Variants in SEMA4C observed in about 807,000 individuals in gnomAD.
SEMA4C encodes the protein semaphorin 4C.
Under a neutral mutation model 89.0 loss-of-function variants are expected in SEMA4C, and 19 were observed. The ratio of observed to expected loss-of-function variants is 0.21; its 90% confidence interval spans 0.15 to 0.31. The LOEUF (loss-of-function observed/expected upper bound fraction) is 0.31, where lower values mean the gene tolerates loss of function less well. Among genes scored for constraint, SEMA4C ranks in the 10% least tolerant of loss-of-function variants. The pLI, the probability that SEMA4C is intolerant of heterozygous loss-of-function variation, is 1.00. For missense variants in SEMA4C, 811 were observed against 1,107.0 expected (o/e 0.73, Z 3.79); for synonymous variants, 428 against 472.7 (o/e 0.91, Z 1.23).
upstream of SEMA4C, chr2:96,870,609 A>G (rs150264925): frequency 9.0e-5 from 89 of 985,450 alleles, no homozygotes; most frequent in African/African-American, 1.3e-3. Flanking sequence ...CCTGCCCTCA[A>G]GTCTGGAAAG....
chr2:96,860,996 A>G lies in SEMA4C; in HGVS notation c.2132T>C (p.Leu711Pro), dbSNP rs1426242462. The G allele has an allele frequency of 6.2e-7, 1 of 1,612,766 alleles. No individual in the cohort carries two copies. Among genetic ancestry groups the G allele is most frequent in the African/African-American group, 1.3e-5 (1 of 74,882 alleles). Residue 711 changes from leucine to proline, a missense_variant, in exon 15 of 15, where the codon CTG becomes CCG. This residue lies in a region of SEMA4C where 248 missense variants were observed against 269.0 expected (regional missense o/e 0.92). Transcript: ENST00000305476. ...GGGGGGACTGGTGGGCTCCTTGGGC[A>G]GCTCCAGGGGGTACACCAAGGTCCT... ...TERTLVYPLELPKEPTSPPFR... is the reference protein window; with the variant it reads ...TERTLVYPLEPPKEPTSPPFR...
In SEMA4C at chr2:96,864,779, C is replaced by T. The variant is rs1234994815; in HGVS notation, c.888G>A (p.Gln296=). ...CCTGCAGGGTGTGCATCGCCTGCAG[C>T]TGGTTGAAGTAGAGCTGCCAGTTCG... ...SAPNWQLYFN[Q]LQAMHTLQDT... is the part of the protein sequence containing the mutation. Residue 296 remains glutamine, a synonymous_variant, in exon 9 of 15, where the codon CAG becomes CAA. Transcript: ENST00000305476. The surrounding 1 kb of genome is among the most constrained non-coding windows in gnomAD (Gnocchi z 6.3). The T allele has an allele frequency of 1.9e-6, 3 of 1,613,836 alleles. No individual in the cohort carries two copies. In the African/African-American group the frequency reaches 4.0e-5, roughly 22 times the overall value.
chr2:96,869,371 G>C, intron 1 of SEMA4C: 2 of 983,924 alleles, frequency 2.0e-6, no homozygotes, highest in South Asian at 9.4e-5. Context: ...GTGGACCGCG[G>C]CCCTCCCTGC....
At position 96,866,160 on chromosome 2, in the gene SEMA4C, C is replaced by A. The variant is rs988649440; in HGVS notation, c.258+123G>T. The A allele has an allele frequency of 6.6e-6, 9 of 1,368,772 alleles. No homozygotes were observed. The African/African-American group carries it at 1.2e-4, about 18-fold the overall frequency. The allele number at this position is 1,368,772 out of a possible 1,614,324, so 84.8% of individuals were successfully genotyped here. A position where few individuals can be genotyped will look rare whatever the true frequency, so the allele number is the denominator to read the frequency against. On this transcript the variant is annotated intron_variant, in intron 3 of 14. Transcript: ENST00000305476. ...ATGCTGACCCCAACCAGAGGGCAGG[C>A]CCCGGATGCCCAGCAGCACTTCTGT...
chr2:96,861,032 T>C lies in SEMA4C; in HGVS notation c.2096A>G (p.Lys699Arg), dbSNP rs1358785859. 2 of 1,612,812 alleles carry C rather than the reference T, an allele frequency of 1.2e-6. No homozygotes were observed. Among genetic ancestry groups the C allele is most frequent in the African/African-American group, 2.7e-5 (2 of 74,922 alleles). ...RLREELEKGA[K>R]ATERTLVYPL... ...GTACACCAAGGTCCTCTCAGTAGCC[T>C]TGGCCCCTTTCTCCAGCTCTTCCCG... Residue 699 changes from lysine (K) to arginine (R), a missense_variant, in exon 15 of 15, where the codon AAG (lysine) becomes AGG (arginine). Transcript: ENST00000305476. The surrounding 1 kb of genome is among the most constrained non-coding windows in gnomAD (Gnocchi z 7.8).
intron 12 of SEMA4C, chr2:96,862,628 T>C (rs6758174): frequency 0.32 from 49,119 of 152,082 alleles, 9,014 homozygotes; most frequent in South Asian, 0.73. Flanking sequence ...TTTGGGAGGC[T>C]GAGTCGGGCG....
intron 7 of SEMA4C, 28 bp from the exon 8 acceptor site, chr2:96,865,143 G>C (rs2080040188): frequency 6.3e-7 from 1 of 1,596,970 alleles, no homozygotes. Flanking sequence ...GGTCAGCAGG[G>C]AGGGGCTGGG....
intron 1 of SEMA4C, chr2:96,868,877 G>T (rs2080143658): frequency 1.0e-6 from 1 of 985,314 alleles, no homozygotes; most frequent in Admixed American, 6.1e-5. Flanking sequence ...CAGGGACCCT[G>T]GCCTGGGCGG....
chr2:96,867,809 G>T lies in SEMA4C; in HGVS notation c.78C>A (p.Asn26Lys), dbSNP rs1181953369. 13 of 1,613,440 alleles carry T rather than the reference G, an allele frequency of 8.1e-6. No individual in the cohort carries two copies. The highest frequency in any genetic ancestry group is 6.7e-5 in the Admixed American group (4 of 59,900). Reference sequence around the variant, plus strand: ...AAGACACTGTCTTACGCGGCACAAGGTTCCACCACACCTCAGCCCCAATGC... The same window carrying T: ...AAGACACTGTCTTACGCGGCACAAGTTTCCACCACACCTCAGCCCCAATGC... ...GLGIGAEVWW[N>K]LVPRKTVSSG... The change falls in exon 2 of 15, where the codon AAC (asparagine) becomes AAA (lysine). Residue 26 changes from asparagine to lysine, a missense_variant. Transcript: ENST00000305476.
intron 12 of SEMA4C, chr2:96,862,160 T>G: frequency 2.1e-6 from 1 of 483,310 alleles, no homozygotes; most frequent in East Asian, 3.2e-5. Flanking sequence ...ATGATGGGGC[T>G]GTGAGGCCAA....
In SEMA4C at chr2:96,867,872, C is replaced by A; in HGVS notation, c.15G>T (p.Trp5Cys). 6.2e-7 allele frequency: 1 copy of A among 1,613,618 alleles called. No individual in the cohort carries two copies. Among genetic ancestry groups the A allele is most frequent in the Non-Finnish European group, 8.5e-7 (1 of 1,180,020 alleles). Reference protein sequence around the residue: MAPHWAVWLLAARLW... With the variant: MAPHCAVWLLAARLW... ...GCCTTGCTGCCAGCAGCCAGACAGC[C>A]CAGTGTGGGGCCATGGCGCACGCCC... The change falls in exon 2 of 15, where the codon TGG becomes TGT. Residue 5 changes from tryptophan to cysteine, a missense_variant. Trp to Cys is a radical substitution (Grantham distance 215, BLOSUM62 -2). Transcript: ENST00000305476.
intron 1 of SEMA4C, chr2:96,869,056 G>C (rs1003185059): frequency 1.4e-4 from 136 of 985,308 alleles, no homozygotes; most frequent in Non-Finnish European, 1.6e-4. Context: ...AAACAAAGCG[G>C]CGGCGCGGGG....
At position 96,860,478 on chromosome 2, in the gene SEMA4C, G is replaced by A. The variant is rs968097123; in HGVS notation, c.*148C>T. 1 of 701,180 alleles carries A rather than the reference G, an allele frequency of 1.4e-6. No individual in the cohort carries two copies. 43.4% of individuals were successfully genotyped at this position (701,180 alleles called of 1,614,324 possible). ...CAAGTGGCAGTGCCCGTGCTGAGCAGAGCAGGTCCTCATGGCCGGGTGGGT... is the reference window on the plus strand; with the variant it reads ...CAAGTGGCAGTGCCCGTGCTGAGCAAAGCAGGTCCTCATGGCCGGGTGGGT... On this transcript the variant is annotated 3_prime_UTR_variant, in exon 15 of 15. Coordinates refer to ENST00000305476, the MANE Select transcript of SEMA4C (RefSeq NM_017789.5).
rs371058461 is a variant in SEMA4C, at chr2:96,865,194, G to C, written c.634+10C>G. 1.2e-6 allele frequency: 2 copies of C among 1,612,772 alleles called. No homozygotes were observed. Among genetic ancestry groups the C allele is most frequent in the South Asian group, 1.1e-5 (1 of 90,924 alleles). ...CACCCATGGCTCCCACAGGCCCCCC[G>C]GTGGCTCACCGTTGAGCCAAAAGGC... is the stretch of plus-strand genomic sequence containing the variant. On this transcript the variant is annotated intron_variant, in intron 7 of 14. Coordinates refer to ENST00000305476, the MANE Select transcript of SEMA4C (RefSeq NM_017789.5).
chr2:96,869,801 T>A (rs2080167151), intron 1 of SEMA4C, 75 bp downstream of exon 1: 1 of 983,888 alleles, frequency 1.0e-6, no homozygotes, highest in African/African-American at 1.8e-5. Flanking sequence ...CGGCAGCCCC[T>A]GCCCAAGCAA....
At chr2:96,865,590 G>A (rs756905896) in intron 5 of SEMA4C, 53 bp from the exon 6 acceptor site, 68 of 1,598,204 alleles carry the variant, frequency 4.3e-5, no homozygotes, top group Non-Finnish European at 5.3e-5. Flanking sequence ...GGGCTCTGTG[G>A]GCCACATCCA....
In SEMA4C at chr2:96,863,990, G is replaced by A. The variant is rs750137123; in HGVS notation, c.1266C>T (p.His422=). Residue 422 remains histidine (H), a synonymous_variant, in exon 11 of 15, where the codon CAC becomes CAT. Coordinates refer to ENST00000305476, the MANE Select transcript of SEMA4C (RefSeq NM_017789.5). ...GTCCTGTAACCCGGTCGGCCACCAG[G>A]TGGGTGAAGTTGGTGCCCTTCTTCA... ...LLVKKGTNFT[H]LVADRVTGLD... 1 of 1,613,580 alleles carries A rather than the reference G, an allele frequency of 6.2e-7. No individual in the cohort carries two copies. Among genetic ancestry groups the A allele is most frequent in the Non-Finnish European group, 8.5e-7 (1 of 1,180,006 alleles).
intron 12 of SEMA4C, 122 bp downstream of exon 12, chr2:96,863,560 G>A: frequency 1.7e-6 from 2 of 1,207,236 alleles, no homozygotes; most frequent in South Asian, 2.9e-5. Flanking sequence ...GCATCCACAT[G>A]TGTGTGTGTT....
Position 96,866,400 on chromosome 2 carries a change from C to G in SEMA4C, c.141G>C (p.Gln47His). The stretch of plus-strand genomic sequence containing the variant: ...GTGTCAGGAAGTCCTGGATGCCGGT[C>G]TGGGAGAACCGCCGTACTACCGTGG... Reference protein sequence around the residue: ...ELATVVRRFSQTGIQDFLTLT... With the variant: ...ELATVVRRFSHTGIQDFLTLT... Residue 47 changes from glutamine to histidine, a missense_variant, in exon 3 of 15, where the codon CAG becomes CAC. Gln to His is a conservative substitution (Grantham distance 24, BLOSUM62 0). Transcript: ENST00000305476. 2 of 1,613,944 alleles carry G rather than the reference C, an allele frequency of 1.2e-6. No individual in the cohort carries two copies. Among genetic ancestry groups the G allele is most frequent in the South Asian group, 2.2e-5 (2 of 91,086 alleles).
Sources: allele counts gnomAD v4.1 joint callset, GRCh38; gene constraint gnomAD v4.1.1; regional missense constraint gnomAD v4.1.1; non-coding constraint Gnocchi (gnomAD v3.1); transcripts MANE v1.5; gene names NCBI Gene and HGNC (gene_info 2026-07-23, HGNC 2026-07-21).